ASIC2: variants seen among roughly 807,000 people sequenced by gnomAD.
The protein encoded by ASIC2 is acid-sensing ion channel 2.
A neutral mutation model predicts 57.3 loss-of-function variants in ASIC2; 25 were observed. That is an observed-to-expected ratio of 0.44 (90% CI 0.32 to 0.61). The LOEUF (loss-of-function observed/expected upper bound fraction) is 0.61, where lower values mean the gene tolerates loss of function less well. Ranked by LOEUF, ASIC2 falls within the 20% of genes least tolerant of loss-of-function variation. The probability of loss-of-function intolerance (pLI) is 0.06; values close to 1 mark genes in which losing one functional copy is unlikely to be tolerated. For synonymous variants in ASIC2, 319 were observed against 307.5 expected (o/e 1.04, Z -0.39); for missense variants, 641 against 738.1 (o/e 0.87, Z 1.52).
intron 1 of ASIC2, among the ~76,000 whole-genome samples, chr17:34,067,687 G>C (rs1909221163): frequency 6.6e-6 from 1 of 152,102 alleles, no homozygotes; most frequent in Non-Finnish European, 1.5e-5. Flanking sequence ...AAATAAATTG[G>C]GGTATACCCA....
chr17:33,595,847 C>T (rs1904963189), intron 1 of ASIC2, among the ~76,000 whole-genome samples: 1 of 152,206 alleles, frequency 6.6e-6, no homozygotes, highest in African/African-American at 2.4e-5. Flanking sequence ...AATGGGCCTT[C>T]CCATGAGAGG....
At chr17:34,084,812 T>A (rs917843878) in intron 1 of ASIC2, among the ~76,000 whole-genome samples, 3 of 152,206 alleles carry the variant, frequency 2.0e-5, no homozygotes, top group Non-Finnish European at 4.4e-5. Context: ...CAATTGTGAA[T>A]GGGAGTTCAC....
At chr17:33,712,985 A>G (rs1267973148) in intron 1 of ASIC2, among the ~76,000 whole-genome samples, 2 of 152,142 alleles carry the variant, frequency 1.3e-5, no homozygotes, top group African/African-American at 4.8e-5. Context: ...TTGTCTGAAG[A>G]CCTTCTTCAG....
chr17:33,716,075 A>G (rs550051533), intron 1 of ASIC2, among the ~76,000 whole-genome samples: 6 of 152,140 alleles, frequency 3.9e-5, no homozygotes, highest in Non-Finnish European at 5.9e-5. Flanking sequence ...AACACCTATC[A>G]AAGCCACCCA....
Position 33,853,050 on chromosome 17 carries a change from C to T in ASIC2, c.555+302928G>A, listed in dbSNP as rs551267879. 3.3e-5 allele frequency among the ~76,000 whole-genome samples: 5 copies of T among 152,266 alleles called. No homozygotes were observed. The South Asian group carries it at 1.0e-3, about 32-fold the overall frequency. ...TCCTCACAGTCATGTACAGTCTCAC[C>T]CACACAAGTGAGTTGTGCACAATTT... On this transcript the variant is annotated intron_variant, in intron 1 of 9. Transcript: ENST00000359872.
intron 1 of ASIC2, among the ~76,000 whole-genome samples, chr17:33,151,181 G>A (rs1213813566): frequency 1.4e-5 from 2 of 146,954 alleles, no homozygotes; most frequent in Admixed American, 6.8e-5. Flanking sequence ...ACACACACAC[G>A]CACACACACA....
intron 1 of ASIC2, among the ~76,000 whole-genome samples, chr17:33,648,525 G>A (rs115347180): frequency 0.018 from 2,687 of 152,310 alleles, 93 homozygotes; most frequent in African/African-American, 0.06. Flanking sequence ...CCTCAAATCT[G>A]CAAACGCCTT....
At chr17:33,196,148 C>T (rs1482874229) in intron 1 of ASIC2, among the ~76,000 whole-genome samples, 1 of 152,184 alleles carries the variant, frequency 6.6e-6, no homozygotes, top group African/African-American at 2.4e-5. Flanking sequence ...TAGCTCATTT[C>T]ATCGTTCCTA....
intron 1 of ASIC2, among the ~76,000 whole-genome samples, chr17:33,578,568 A>C (rs1916722425): frequency 6.6e-6 from 1 of 152,168 alleles, no homozygotes; most frequent in Admixed American, 6.5e-5. Flanking sequence ...AGTTCAAACA[A>C]GTTTCCTTAG....
At chr17:33,414,989 A>G (rs780746991) in intron 1 of ASIC2, among the ~76,000 whole-genome samples, 4 of 152,232 alleles carry the variant, frequency 2.6e-5, no homozygotes, top group Non-Finnish European at 4.4e-5. Context: ...GGGACTGACC[A>G]TCTGACTGTG....
chr17:33,811,701 C>T (rs557017667), intron 1 of ASIC2, among the ~76,000 whole-genome samples: 20 of 152,306 alleles, frequency 1.3e-4, no homozygotes, highest in African/African-American at 4.3e-4. Context: ...AACTCACTCT[C>T]AGGGGTTTTT....
intron 1 of ASIC2, among the ~76,000 whole-genome samples, chr17:33,308,164 A>C (rs1906261627): frequency 6.6e-6 from 1 of 152,244 alleles, no homozygotes; most frequent in Non-Finnish European, 1.5e-5. Context: ...TGGGATAGAA[A>C]ACTAAGCTAA....
At chr17:33,100,875 G>C (rs1197034874) in intron 2 of ASIC2, among the ~76,000 whole-genome samples, 1 of 152,206 alleles carries the variant, frequency 6.6e-6, no homozygotes, top group African/African-American at 2.4e-5. Context: ...TAGAACACAC[G>C]TATTTTCTGC....
intron 1 of ASIC2, among the ~76,000 whole-genome samples, chr17:33,402,476 C>T (rs139123913): frequency 3.8e-4 from 58 of 152,206 alleles, no homozygotes; most frequent in Admixed American, 5.9e-4. Flanking sequence ...GTGTATTGTT[C>T]CCCTCCTTGT....
intron 1 of ASIC2, among the ~76,000 whole-genome samples, chr17:33,553,029 T>A (rs187517465): frequency 3.9e-5 from 6 of 152,186 alleles, no homozygotes; most frequent in African/African-American, 1.4e-4. Flanking sequence ...GACATTTGAG[T>A]CACTTGTTCT....
intron 1 of ASIC2, among the ~76,000 whole-genome samples, chr17:33,164,602 ACT>A (rs1567769528): frequency 6.6e-6 from 1 of 150,532 alleles, no homozygotes; most frequent in Non-Finnish European, 1.5e-5. Context: ...ACACACACAC[ACT>A]TATACACACA....
intron 1 of ASIC2, among the ~76,000 whole-genome samples, chr17:33,158,402 G>A (rs1042089542): frequency 2.6e-5 from 4 of 152,182 alleles, no homozygotes; most frequent in Non-Finnish European, 4.4e-5. Flanking sequence ...TGTTCCCAGT[G>A]GGCTGCTGGA....
chr17:33,319,771 C>A (rs546916563), intron 1 of ASIC2, among the ~76,000 whole-genome samples: 11 of 152,286 alleles, frequency 7.2e-5, no homozygotes, highest in African/African-American at 2.6e-4. Flanking sequence ...TGGGCTCAAG[C>A]AATTTACCCT....
In ASIC2 at chr17:33,354,578, A is replaced by G. The variant is rs578125033; in HGVS notation, c.556-242511T>C. On this transcript the variant is annotated intron_variant, in intron 1 of 9. Coordinates refer to the ASIC2 transcript ENST00000359872. Reference sequence around the variant, plus strand: ...GCTTCCTGCTTGCTCTCTGCTTTCCAGCAGTGTGGTCCTTCTATGTGCTCT... The same window carrying G: ...GCTTCCTGCTTGCTCTCTGCTTTCCGGCAGTGTGGTCCTTCTATGTGCTCT... 2.5e-4 allele frequency among the ~76,000 whole-genome samples: 38 copies of G among 151,926 alleles called. No individual in the cohort carries two copies. In the Middle Eastern group the frequency reaches 0.01, roughly 41 times the overall value.
Sources: allele counts gnomAD v4.1 joint callset (sites outside exome capture counted in the v4.1 genomes callset), GRCh38; gene constraint gnomAD v4.1.1; transcripts MANE v1.5; gene names NCBI Gene and HGNC (gene_info 2026-07-23, HGNC 2026-07-21).